BFAR: variants seen among roughly 807,000 people sequenced by gnomAD.
The protein encoded by BFAR is RING finger protein 47.
BFAR carries 52 observed loss-of-function variants against 54.4 expected under a neutral mutation model. The ratio of observed to expected loss-of-function variants is 0.96; its 90% CI spans 0.77 to 1.21. BFAR has a LOEUF of 1.21. Among genes scored for constraint, BFAR ranks in the 50% most tolerant of loss-of-function variants. The pLI is 0.00. For missense variants in BFAR, 571 were observed against 534.0 expected (o/e 1.07, Z -0.68); for synonymous variants, 215 against 204.3 (o/e 1.05, Z -0.45).
At chr16:14,653,410 C>T (rs1285738465) in intron 4 of BFAR, among the ~76,000 whole-genome samples, 1 of 152,102 alleles carries the variant, frequency 6.6e-6, no homozygotes, top group African/African-American at 2.4e-5. Flanking sequence ...TCACTGCAAC[C>T]TTCACCTCCT....
At position 14,649,803 on chromosome 16, in the gene BFAR, G is replaced by C. The variant is rs1180982943; in HGVS notation, c.469-1G>C. The C allele has an allele frequency of 6.3e-7, 1 of 1,594,568 alleles. No homozygotes were observed. Among genetic ancestry groups the C allele is most frequent in the African/African-American group, 1.3e-5 (1 of 74,450 alleles). On this transcript the variant is annotated splice_acceptor_variant, in intron 3 of 7. Coordinates refer to ENST00000261658, the MANE Select transcript of BFAR (RefSeq NM_016561.3). LOFTEE classifies it high-confidence loss of function. ...TTAAAGTCCCTGTCACTTTTCCCCAGGTGGTCCTGCTCGTCTATCACTGGA... is the reference window on the plus strand; with the variant it reads ...TTAAAGTCCCTGTCACTTTTCCCCACGTGGTCCTGCTCGTCTATCACTGGA...
At chr16:14,662,195 T>C in intron 6 of BFAR, 130 bp downstream of exon 6, 1 of 1,071,158 alleles carries the variant, frequency 9.3e-7, no homozygotes, top group African/African-American at 1.6e-5. Context: ...GGTAGGTCAT[T>C]TGAGAGTAAT....
intron 4 of BFAR, among the ~76,000 whole-genome samples, chr16:14,653,554 G>C (rs1960035817): frequency 6.6e-6 from 1 of 152,064 alleles, no homozygotes; most frequent in African/African-American, 2.4e-5. Flanking sequence ...TCAAACTCCT[G>C]ACCTCAGATG....
intron 6 of BFAR, among the ~76,000 whole-genome samples, chr16:14,662,663 G>A (rs968651243): frequency 2.0e-5 from 3 of 152,116 alleles, no homozygotes; most frequent in African/African-American, 7.2e-5. Context: ...GGGACTACAG[G>A]CGAGCACCAC....
chr16:14,662,251 A>G (rs960133364), intron 6 of BFAR, among the ~76,000 whole-genome samples, 186 bp downstream of exon 6: 2 of 152,170 alleles, frequency 1.3e-5, no homozygotes, highest in Non-Finnish European at 2.9e-5. Flanking sequence ...TGACCTGTTC[A>G]TATCAAGTCA....
At chr16:14,647,099 T>C (rs1433496295) in intron 2 of BFAR, among the ~76,000 whole-genome samples, 2 of 151,524 alleles carry the variant, frequency 1.3e-5, no homozygotes, top group Admixed American at 1.3e-4. Flanking sequence ...AAATACTCTT[T>C]TTTGAGACAG....
At chr16:14,654,998 ACT>A in intron 4 of BFAR, 66 bp from the exon 5 acceptor site, 2 of 1,389,828 alleles carry the variant, frequency 1.4e-6, no homozygotes, top group Non-Finnish European at 1.9e-6. Flanking sequence ...GTAAGATGGA[ACT>A]CTGAGTGTAG....
chr16:14,661,751 C>T (rs761880650), intron 5 of BFAR, 141 bp from the exon 6 acceptor site: 51 of 919,038 alleles, frequency 5.5e-5, no homozygotes, highest in Non-Finnish European at 7.5e-5. Flanking sequence ...ATCACTTGGC[C>T]TCTTCTTGCC....
At chr16:14,657,310 G>A (rs926729010) in intron 5 of BFAR, among the ~76,000 whole-genome samples, 3 of 151,770 alleles carry the variant, frequency 2.0e-5, no homozygotes, top group South Asian at 4.2e-4. Flanking sequence ...GTGCAGTGGC[G>A]CGATCTCAGC....
At chr16:14,642,208 C>T (rs527936018) in intron 1 of BFAR, among the ~76,000 whole-genome samples, 24 of 152,206 alleles carry the variant, frequency 1.6e-4, no homozygotes, top group Non-Finnish European at 2.9e-4. Context: ...TTGAGAAACT[C>T]ACCAGAAATA....
intron 6 of BFAR, 108 bp from the exon 7 acceptor site, chr16:14,664,761 A>G (rs1960390722): frequency 1.9e-6 from 2 of 1,065,670 alleles, no homozygotes; most frequent in African/African-American, 3.1e-5. Context: ...AGGCCTCCCA[A>G]AGTGGTGGGA....
intron 5 of BFAR, 70 bp downstream of exon 5, chr16:14,655,280 C>A: frequency 9.2e-7 from 1 of 1,082,290 alleles, no homozygotes. Context: ...TTTTTAATTT[C>A]AGGGTTTTCT....
chr16:14,661,392 CTTTT>C (rs774393097), intron 5 of BFAR, among the ~76,000 whole-genome samples: 2 of 65,076 alleles, frequency 3.1e-5, no homozygotes, highest in Non-Finnish European at 5.8e-5. Context: ...GAGATTGGAT[CTTTT>C]TTTTTTTTTT....
At chr16:14,665,113 G>T in intron 7 of BFAR, 42 bp downstream of exon 7, 2 of 1,514,942 alleles carry the variant, frequency 1.3e-6, no homozygotes, top group Non-Finnish European at 1.8e-6. Flanking sequence ...GGATGGGAAA[G>T]AAATACCAAG....
intron 4 of BFAR, 31 bp from the exon 5 acceptor site, chr16:14,655,035 G>C: frequency 6.4e-7 from 1 of 1,574,606 alleles, no homozygotes. Context: ...GTATATAATC[G>C]CAAAATAAAT....
chr16:14,648,500 C>G lies in BFAR; in HGVS notation c.376C>G (p.Gln126Glu). The G allele has an allele frequency of 1.2e-6, 2 of 1,613,732 alleles. No individual in the cohort carries two copies. Among genetic ancestry groups the G allele is most frequent in the Non-Finnish European group, 1.7e-6 (2 of 1,179,732 alleles). ...LAAFQKYGND[Q>E]IPLAPNTGRA... The stretch of plus-strand genomic sequence containing the variant: ...AGCCTTTCAGAAATATGGGAATGAT[C>G]AGATTCCTTTAGCTCCTAACACAGG... Residue 126 changes from glutamine to glutamate, a missense_variant, in exon 3 of 8, where the codon CAG becomes GAG. Gln to Glu is a conservative substitution (Grantham distance 29). Coordinates refer to ENST00000261658, the MANE Select transcript of BFAR (RefSeq NM_016561.3).
intron 1 of BFAR, among the ~76,000 whole-genome samples, chr16:14,641,550 CA>C (rs530864447): frequency 0.33 from 33,459 of 102,298 alleles, 4,613 homozygotes; most frequent in Middle Eastern, 0.43. Context: ...GACTCCATCT[CA>C]AAAAAAAAAA....
intron 4 of BFAR, among the ~76,000 whole-genome samples, chr16:14,653,415 C>T (rs1960030990): frequency 1.3e-5 from 2 of 152,042 alleles, no homozygotes; most frequent in South Asian, 2.1e-4. Flanking sequence ...GCAACCTTCA[C>T]CTCCTGGGTT....
At chr16:14,661,827 A>G in intron 5 of BFAR, 65 bp from the exon 6 acceptor site, 5 of 1,551,400 alleles carry the variant, frequency 3.2e-6, no homozygotes, top group South Asian at 1.1e-5. Context: ...AGAGATGGGA[A>G]GGAGCGTGGG....
Sources: allele counts gnomAD v4.1 joint callset (sites outside exome capture counted in the v4.1 genomes callset), GRCh38; gene constraint gnomAD v4.1.1; transcripts MANE v1.5; gene names NCBI Gene and HGNC (gene_info 2026-07-23, HGNC 2026-07-21).